The following ZNF664 variants were observed in gnomAD, a reference collection of about 807,000 sequenced individuals.
ZNF664 encodes zinc finger protein 664, also known as zinc finger Organ of Corti 1.
A neutral mutation model predicts 18.2 loss-of-function variants in ZNF664; 10 were observed. That is an observed-to-expected ratio of 0.55 (90% CI 0.34 to 0.93). ZNF664 has a LOEUF of 0.93. Among genes scored for constraint, ZNF664 ranks in the 40% least tolerant of loss-of-function variants. The probability of loss-of-function intolerance (pLI) is 0.02; values close to 1 mark genes in which losing one functional copy is unlikely to be tolerated. For missense variants in ZNF664, 193 were observed against 319.0 expected, an observed-to-expected ratio of 0.61 and a Z score of 3.01; for synonymous variants, 119 against 104.2, an observed-to-expected ratio of 1.14 and a Z score of -0.86.
At chr12:124,010,805 C>T (rs1326056254) in intron 3 of ZNF664, among the ~76,000 whole-genome samples, 2 of 152,102 alleles carry the variant, frequency 1.3e-5, no homozygotes, top group African/African-American at 2.4e-5. Context: ...AGAGTCTAGC[C>T]GGGGGGCCTC....
In ZNF664 at chr12:124,014,123, A is replaced by G. The variant is rs544244100; in HGVS notation, c.*1193A>G. On this transcript the variant is annotated 3_prime_UTR_variant, in exon 5 of 5. Coordinates refer to ENST00000337815, the MANE Select transcript of ZNF664 (RefSeq NM_152437.3). ...AAACAAATAAATAATGTAGTTTGAG[A>G]TAGTGATTAAGTGCTATGAAGAAAA... 1.3e-5 allele frequency: 2 copies of G among 155,902 alleles called. No individual in the cohort carries two copies. The highest frequency in any genetic ancestry group is 7.1e-5 in the Admixed American group (1 of 14,170). 9.7% of individuals were successfully genotyped at this position (155,902 alleles called of 1,614,324 possible). A position where few individuals can be genotyped will look rare whatever the true frequency, so the allele number is the denominator to read the frequency against.
At chr12:123,983,546 A>C (rs1290128322) in intron 2 of ZNF664, among the ~76,000 whole-genome samples, 1 of 152,206 alleles carries the variant, frequency 6.6e-6, no homozygotes, top group Non-Finnish European at 1.5e-5. Flanking sequence ...AGAGCTTGTG[A>C]GGAAGCCTTT....
In ZNF664 at chr12:124,007,475, G is replaced by A. The variant is rs568921797; in HGVS notation, c.-660-3906G>A. ...CTGCTGCCTTTGTCTTTTGCTTGTC[G>A]CTGCCCTGCAGCCACTGCCTTCGCC... On this transcript the variant is annotated intron_variant, in intron 3 of 4. Coordinates refer to ENST00000337815, the MANE Select transcript of ZNF664 (RefSeq NM_152437.3). Among the ~76,000 whole-genome samples the A allele has an allele frequency of 2.6e-5, 4 of 152,296 alleles. No individual in the cohort carries two copies. The South Asian group carries it at 8.3e-4, about 32-fold the overall frequency.
intron 3 of ZNF664, chr12:124,003,501 G>C: frequency 6.6e-6 from 1 of 152,260 alleles, no homozygotes; most frequent in Non-Finnish European, 1.5e-5. Context: ...AGGTTCAAGC[G>C]ATTCTCCTGC....
intron 3 of ZNF664, among the ~76,000 whole-genome samples, chr12:123,990,844 G>A (rs867254948): frequency 2.6e-5 from 4 of 152,194 alleles, no homozygotes; most frequent in East Asian, 3.8e-4. Context: ...CTTTCTGTGC[G>A]TTGACTCTCT....
At chr12:123,982,840 T>G (rs1254962280) in intron 2 of ZNF664, among the ~76,000 whole-genome samples, 1 of 152,062 alleles carries the variant, frequency 6.6e-6, no homozygotes, top group Non-Finnish European at 1.5e-5. Context: ...TTTAGCAAAT[T>G]GAAGTCTTTC....
In ZNF664 at chr12:124,008,159, CA is replaced by C. The variant is rs201714936; in HGVS notation, c.-660-3213del. ...CTTTTTTTCCCTCGTGTCCTTATTG[CA>C]AAAAAAAAGGGGCAGTTGTGCTGTA... is the stretch of plus-strand genomic sequence containing the variant. On this transcript the variant is annotated intron_variant, in intron 3 of 4. Coordinates refer to ENST00000337815, the MANE Select transcript of ZNF664 (RefSeq NM_152437.3). 7.4e-5 allele frequency among the ~76,000 whole-genome samples: 11 copies of C among 149,624 alleles called. No homozygotes were observed. In the East Asian group the frequency reaches 1.2e-3, roughly 16 times the overall value.
chr12:123,976,567 G>A (rs1956694208), intron 2 of ZNF664, among the ~76,000 whole-genome samples: 1 of 152,120 alleles, frequency 6.6e-6, no homozygotes, highest in African/African-American at 2.4e-5. Flanking sequence ...GATATGGGTT[G>A]GGATTTACGA....
At chr12:123,975,358 T>G (rs1015661007) in intron 2 of ZNF664, among the ~76,000 whole-genome samples, 1 of 151,958 alleles carries the variant, frequency 6.6e-6, no homozygotes, top group African/African-American at 2.4e-5. Flanking sequence ...GACAATACAT[T>G]AGTCTTCTTA....
intron 3 of ZNF664, among the ~76,000 whole-genome samples, chr12:123,995,640 A>G (rs1956939846): frequency 6.6e-6 from 1 of 152,234 alleles, no homozygotes. Context: ...AGCAACAGAA[A>G]TGGACTCTAG....
In ZNF664 at chr12:123,997,551, A is replaced by G. The variant is rs533555272; in HGVS notation, c.-661+9413A>G. On this transcript the variant is annotated intron_variant, in intron 3 of 4. Transcript: ENST00000337815. ...ACATATCACTTCACTCTCTGCAGTC[A>G]TCCCCACGTGGCCTTTTTCCCTGTC... 5.3e-5 allele frequency among the ~76,000 whole-genome samples: 8 copies of G among 152,294 alleles called. No individual in the cohort carries two copies. In the South Asian group the frequency reaches 1.5e-3, roughly 28 times the overall value.
At chr12:124,009,590 C>T (rs1275618702) in intron 3 of ZNF664, among the ~76,000 whole-genome samples, 1 of 152,100 alleles carries the variant, frequency 6.6e-6, no homozygotes, top group East Asian at 1.9e-4. Context: ...CCTTGAACTC[C>T]CAGGCTCAAG....
chr12:124,008,675 C>G (rs1957100661), intron 3 of ZNF664, among the ~76,000 whole-genome samples: 1 of 152,184 alleles, frequency 6.6e-6, no homozygotes, highest in Admixed American at 6.5e-5. Context: ...CTCCATCTCT[C>G]TGCCTGCCTG....
chr12:123,997,347 A>G (rs1956961853), intron 3 of ZNF664, among the ~76,000 whole-genome samples: 1 of 152,190 alleles, frequency 6.6e-6, no homozygotes, highest in Admixed American at 6.5e-5. Context: ...GTAACAAAGT[A>G]CCACAAGCTG....
intron 3 of ZNF664, among the ~76,000 whole-genome samples, chr12:123,992,801 C>A (rs1956903958): frequency 1.3e-5 from 2 of 152,166 alleles, no homozygotes; most frequent in Non-Finnish European, 2.9e-5. Flanking sequence ...TTTGAGTCAA[C>A]AGAACCTGGA....
At chr12:123,976,049 TTTTC>T (rs1180289595) in intron 2 of ZNF664, among the ~76,000 whole-genome samples, 1 of 152,212 alleles carries the variant, frequency 6.6e-6, no homozygotes, top group African/African-American at 2.4e-5. Flanking sequence ...TTTTATGTAT[TTTTC>T]TTTCTTTCAG....
At chr12:123,995,150 A>G (rs1267710181) in intron 3 of ZNF664, among the ~76,000 whole-genome samples, 1 of 152,252 alleles carries the variant, frequency 6.6e-6, no homozygotes. Context: ...GGTGTTGAGC[A>G]TAGAGCCGTG....
At chr12:123,999,050 T>C (rs531237274) in intron 3 of ZNF664, among the ~76,000 whole-genome samples, 2 of 152,338 alleles carry the variant, frequency 1.3e-5, no homozygotes, top group African/African-American at 4.8e-5. Context: ...GGATCCTTTA[T>C]ATGTTATGAT....
In ZNF664 at chr12:124,012,153, C is replaced by T. The variant is rs1474813798; in HGVS notation, c.9C>T (p.Tyr3=). 1.2e-6 allele frequency: 2 copies of T among 1,607,804 alleles called. No individual in the cohort carries two copies. Among genetic ancestry groups the T allele is most frequent in the South Asian group, 1.1e-5 (1 of 89,430 alleles). Reference sequence around the variant, plus strand: ...GATACCAAATAGGAAAAATGATCTACAAGTGCCCCATGTGTAGGGAATTTT... The same window carrying T: ...GATACCAAATAGGAAAAATGATCTATAAGTGCCCCATGTGTAGGGAATTTT... MI[Y]KCPMCREFFS... The change falls in exon 5 of 5, where the codon TAC becomes TAT. Residue 3 remains tyrosine (Y), a synonymous_variant. Transcript: ENST00000337815.
Sources: gnomAD v4.1 joint callset for allele counts (sites outside exome capture counted in the v4.1 genomes callset) on GRCh38, gnomAD v4.1.1 for gene constraint, MANE v1.5 for transcripts, NCBI Gene and HGNC (gene_info 2026-07-23, HGNC 2026-07-21) for gene names.